Variants in CSMD1 observed in about 807,000 individuals in gnomAD.
CSMD1 encodes CUB and sushi domain-containing protein 1.
In CSMD1, 213 loss-of-function variants were observed where a neutral mutation model predicts 417.5. The ratio of observed to expected loss-of-function variants is 0.51; its 90% CI spans 0.46 to 0.57. The LOEUF (loss-of-function observed/expected upper bound fraction) is 0.57. Among genes scored for constraint, CSMD1 ranks in the 20% least tolerant of loss-of-function variants. CSMD1 has a pLI of 0.00. For missense variants in CSMD1, 6,923 were observed against 4,529.7 expected (o/e 1.53, Z -15.17); for synonymous variants, 2,862 against 1,736.8 (o/e 1.65, Z -16.11).
At chr8:4,978,247 T>C (rs1448802907) in intron 1 of CSMD1, among the ~76,000 whole-genome samples, 2 of 152,112 alleles carry the variant, frequency 1.3e-5, no homozygotes, top group Non-Finnish European at 2.9e-5. Flanking sequence ...TAATTGCAGG[T>C]GTTCAAAGGG....
chr8:3,442,346 A>G (rs531077753), intron 12 of CSMD1, among the ~76,000 whole-genome samples: 6 of 152,258 alleles, frequency 3.9e-5, no homozygotes, highest in South Asian at 4.1e-4. Context: ...TAGGCCTTCA[A>G]TTTCAGCCAT....
intron 5 of CSMD1, among the ~76,000 whole-genome samples, chr8:3,757,540 T>A (rs1277023634): frequency 6.6e-6 from 1 of 152,218 alleles, no homozygotes; most frequent in East Asian, 1.9e-4. Context: ...ACTAGTTTGC[T>A]GACCCCTGCT....
At position 4,110,684 on chromosome 8, in the gene CSMD1, G is replaced by A. The variant is rs559944386; in HGVS notation, c.416-78585C>T. ...TTTCTATAAAGTTACCTAAGAAAAT[G>A]TTTTGCTGCTTATAATTTCAGGGTT... On this transcript the variant is annotated intron_variant, in intron 3 of 69. Coordinates refer to ENST00000635120, the MANE Select transcript of CSMD1 (RefSeq NM_033225.6). Among the ~76,000 whole-genome samples the A allele has an allele frequency of 5.9e-5, 9 of 152,020 alleles. 1 individual carries two copies. The highest frequency in any genetic ancestry group is 1.7e-4 in the African/African-American group (7 of 41,494).
At chr8:3,404,091 C>T (rs535512749) in intron 15 of CSMD1, among the ~76,000 whole-genome samples, 1 of 152,114 alleles carries the variant, frequency 6.6e-6, no homozygotes, top group Non-Finnish European at 1.5e-5. Flanking sequence ...TAAACAGGAC[C>T]TGGTTAGAAG....
intron 7 of CSMD1, among the ~76,000 whole-genome samples, chr8:3,696,925 C>A (rs1237588739): frequency 6.6e-6 from 1 of 152,140 alleles, no homozygotes; most frequent in Admixed American, 6.5e-5. Flanking sequence ...TTATCAGTCA[C>A]TTTGCCTTCC....
chr8:4,360,973 A>G (rs964812587), intron 3 of CSMD1, among the ~76,000 whole-genome samples: 1 of 152,200 alleles, frequency 6.6e-6, no homozygotes, highest in African/African-American at 2.4e-5. Context: ...CTTGACTGAC[A>G]GTAGATATTT....
intron 3 of CSMD1, among the ~76,000 whole-genome samples, chr8:4,375,668 G>A (rs1802688331): frequency 6.6e-6 from 1 of 152,122 alleles, no homozygotes; most frequent in African/African-American, 2.4e-5. Flanking sequence ...GATAAGGGAG[G>A]AATGCCCACA....
intron 1 of CSMD1, among the ~76,000 whole-genome samples, chr8:4,675,798 T>C (rs1409386407): frequency 1.3e-5 from 2 of 152,204 alleles, no homozygotes; most frequent in African/African-American, 4.8e-5. Flanking sequence ...AGGTACTCTG[T>C]TTTCTTTGAA....
intron 1 of CSMD1, among the ~76,000 whole-genome samples, chr8:4,721,901 T>C (rs948977732): frequency 5.3e-5 from 8 of 152,188 alleles, no homozygotes; most frequent in Non-Finnish European, 1.2e-4. Flanking sequence ...GGGCATTATG[T>C]CAAGAGAAAT....
intron 4 of CSMD1, among the ~76,000 whole-genome samples, chr8:3,999,916 T>A (rs984192808): frequency 6.6e-6 from 1 of 152,214 alleles, no homozygotes; most frequent in African/African-American, 2.4e-5. Context: ...AAACTCATTT[T>A]TTAGATCCCA....
intron 2 of CSMD1, among the ~76,000 whole-genome samples, chr8:4,593,436 C>G (rs536910689): frequency 1.3e-5 from 2 of 151,934 alleles, no homozygotes; most frequent in African/African-American, 4.8e-5. Context: ...ACTGAAATAC[C>G]CTTAAGCACA....
At chr8:4,948,559 T>G (rs897160239) in intron 1 of CSMD1, among the ~76,000 whole-genome samples, 58 of 152,102 alleles carry the variant, frequency 3.8e-4, no homozygotes, top group African/African-American at 1.4e-3. Flanking sequence ...CTAGAAAATT[T>G]ATTCATAGTA....
rs540705067 is a variant in CSMD1 at position 3,031,976 on chromosome 8, A to G, written c.7661-2463T>C. Reference sequence around the variant, plus strand: ...ACACTATATGTGTGTATGTGTGTGTATATATATATATATACACATAATATA... The same window carrying G: ...ACACTATATGTGTGTATGTGTGTGTGTATATATATATATACACATAATATA... On this transcript the variant is annotated intron_variant, in intron 50 of 69. Transcript: ENST00000635120. 3.0e-4 allele frequency among the ~76,000 whole-genome samples: 41 copies of G among 136,714 alleles called. No homozygotes were observed. In the South Asian group the frequency reaches 6.4e-3, roughly 21 times the overall value. 89.7% of individuals were successfully genotyped at this position (136,714 alleles called of 152,430 possible). A position where few individuals can be genotyped will look rare whatever the true frequency, so the allele number is the denominator to read the frequency against.
intron 2 of CSMD1, among the ~76,000 whole-genome samples, chr8:4,618,023 T>G (rs1257059024): frequency 6.6e-6 from 1 of 152,208 alleles, no homozygotes; most frequent in Non-Finnish European, 1.5e-5. Flanking sequence ...CAGTTTTACT[T>G]TAGAGATCAC....
At chr8:4,862,999 C>T (rs1025140659) in intron 1 of CSMD1, among the ~76,000 whole-genome samples, 4 of 151,918 alleles carry the variant, frequency 2.6e-5, no homozygotes, top group Non-Finnish European at 4.4e-5. Context: ...CAAATACCCC[C>T]GTAGATCAAG....
intron 3 of CSMD1, among the ~76,000 whole-genome samples, chr8:4,209,528 G>T (rs542488657): frequency 6.6e-6 from 1 of 152,284 alleles, no homozygotes; most frequent in Non-Finnish European, 1.5e-5. Flanking sequence ...GGAAACAGGA[G>T]CCGCGTGAGA....
At chr8:4,507,468 A>T (rs560273453) in intron 2 of CSMD1, among the ~76,000 whole-genome samples, 1 of 152,148 alleles carries the variant, frequency 6.6e-6, no homozygotes, top group Non-Finnish European at 1.5e-5. Flanking sequence ...CTGGCTATTG[A>T]TTACAAATAA....
chr8:3,807,484 C>G (rs955002633), intron 5 of CSMD1, among the ~76,000 whole-genome samples: 6 of 152,090 alleles, frequency 3.9e-5, no homozygotes, highest in African/African-American at 1.2e-4. Context: ...GTCAAGTTAT[C>G]TTTGAAACAT....
At chr8:4,519,068 T>C (rs1803284128) in intron 2 of CSMD1, among the ~76,000 whole-genome samples, 1 of 152,058 alleles carries the variant, frequency 6.6e-6, no homozygotes, top group Non-Finnish European at 1.5e-5. Context: ...AGAACAAGAG[T>C]CCATTCCCAC....
Sources: allele counts gnomAD v4.1 joint callset (sites outside exome capture counted in the v4.1 genomes callset), GRCh38; gene constraint gnomAD v4.1.1; transcripts MANE v1.5; gene names NCBI Gene and HGNC (gene_info 2026-07-23, HGNC 2026-07-21).